ENTREP1: variants seen among roughly 807,000 people sequenced by gnomAD.
ENTREP1 encodes the protein endosomal transmembrane epsin interactor 1, also known as Friedreich ataxia region gene X123.
At chr9:69,387,895 C>G in the ENTREP1 span, 1 of 1,404,294 alleles carries the variant, frequency 7.1e-7, no homozygotes, top group Non-Finnish European at 9.5e-7. Flanking sequence ...GGATTCTCCT[C>G]TCCACCATCT....
the ENTREP1 span, among the ~76,000 whole-genome samples, chr9:69,340,214 G>A: frequency 7.2e-5 from 11 of 152,214 alleles, no homozygotes; most frequent in Non-Finnish European, 1.0e-4. Context: ...GGTGGTGGAG[G>A]TTGGGAGGGG....
the ENTREP1 span, among the ~76,000 whole-genome samples, chr9:69,391,386 G>A: frequency 6.6e-6 from 1 of 152,182 alleles, no homozygotes; most frequent in African/African-American, 2.4e-5. Context: ...GTTAAGTGTG[G>A]TTTACGGGTC....
chr9:69,389,981 G>A, the ENTREP1 span, among the ~76,000 whole-genome samples: 1 of 152,222 alleles, frequency 6.6e-6, no homozygotes, highest in Non-Finnish European at 1.5e-5. Flanking sequence ...GTAGAAGGAG[G>A]TAAGAACACC....
the ENTREP1 span, among the ~76,000 whole-genome samples, chr9:69,358,097 C>G: frequency 6.6e-6 from 1 of 152,164 alleles, no homozygotes; most frequent in Non-Finnish European, 1.5e-5. Context: ...CACAATTGTT[C>G]TTGTTTCAGT....
At chr9:69,376,395 C>T in the ENTREP1 span, among the ~76,000 whole-genome samples, 2 of 152,116 alleles carry the variant, frequency 1.3e-5, no homozygotes, top group African/African-American at 4.8e-5. Context: ...TAAGCAACAA[C>T]TATAATAAGC....
chr9:69,350,636 C>T, the ENTREP1 span, among the ~76,000 whole-genome samples: 1 of 152,150 alleles, frequency 6.6e-6, no homozygotes, highest in African/African-American at 2.4e-5. Flanking sequence ...AGAACATTCT[C>T]AAGTAATAAT....
the ENTREP1 span, among the ~76,000 whole-genome samples, chr9:69,339,050 T>G: frequency 9.9e-5 from 15 of 152,118 alleles, no homozygotes; most frequent in African/African-American, 3.6e-4. Flanking sequence ...GAGAGGGTCT[T>G]TCTCTGTTGC....
the ENTREP1 span, among the ~76,000 whole-genome samples, chr9:69,335,116 A>G: frequency 7.9e-5 from 12 of 152,164 alleles, no homozygotes; most frequent in Admixed American, 1.3e-4. Flanking sequence ...TCATTTTGCA[A>G]CATGAGCTCC....
At chr9:69,377,843 TGAAAAA>T in the ENTREP1 span, 14 of 1,371,958 alleles carry the variant, frequency 1.0e-5, no homozygotes, top group African/African-American at 7.3e-5. Context: ...CACTTTTCTT[TGAAAAA>T]GAAAAAGAAA....
the ENTREP1 span, among the ~76,000 whole-genome samples, chr9:69,333,675 C>T: frequency 6.6e-6 from 1 of 152,086 alleles, no homozygotes; most frequent in Non-Finnish European, 1.5e-5. Flanking sequence ...TAATGGAGAC[C>T]AGTAGCATTA....
chr9:69,351,664 G>A, the ENTREP1 span, among the ~76,000 whole-genome samples: 1 of 152,008 alleles, frequency 6.6e-6, no homozygotes, highest in Non-Finnish European at 1.5e-5. Flanking sequence ...TCATCCATCC[G>A]CCTCGGCCGC....
chr9:69,338,869 G>A, the ENTREP1 span, among the ~76,000 whole-genome samples: 1 of 152,110 alleles, frequency 6.6e-6, no homozygotes, highest in Non-Finnish European at 1.5e-5. Context: ...GTACTTAGAA[G>A]GTCGCATAGA....
At chr9:69,325,511 G>A in the ENTREP1 span, 1 of 977,992 alleles carries the variant, frequency 1.0e-6, no homozygotes, top group Non-Finnish European at 1.2e-6. Flanking sequence ...CGGGGTGCTG[G>A]CCGCGCCGCC....
chr9:69,359,959 C>T, the ENTREP1 span, among the ~76,000 whole-genome samples: 2 of 149,856 alleles, frequency 1.3e-5, no homozygotes, highest in African/African-American at 4.9e-5. Context: ...TATAGACATG[C>T]TCTTATTTTG....
the ENTREP1 span, among the ~76,000 whole-genome samples, chr9:69,340,609 G>GTGCATGTGTGTGTGCA: frequency 6.9e-6 from 1 of 145,538 alleles, no homozygotes; most frequent in African/African-American, 2.6e-5. Context: ...ATGTGTGTGT[G>GTGCATGTGTGTGTGCA]TGCATGTGTG....
At chr9:69,387,785 C>T in the ENTREP1 span, 1 of 727,074 alleles carries the variant, frequency 1.4e-6, no homozygotes. Flanking sequence ...CTCCTTGGAA[C>T]ATCCTTTCAT....
chr9:69,336,288 A>G, the ENTREP1 span: 1 of 1,519,840 alleles, frequency 6.6e-7, no homozygotes, highest in Non-Finnish European at 9.1e-7. Flanking sequence ...TGATCTTATA[A>G]ATTGCTACCC....
At chr9:69,371,518 T>C in the ENTREP1 span, 5 of 1,613,578 alleles carry the variant, frequency 3.1e-6, no homozygotes, top group Non-Finnish European at 2.5e-6. Context: ...TTTGTGCTGC[T>C]CTCTGTGGTT....
At chr9:69,365,121 G>C in the ENTREP1 span, among the ~76,000 whole-genome samples, 1 of 152,182 alleles carries the variant, frequency 6.6e-6, no homozygotes, top group African/African-American at 2.4e-5. Flanking sequence ...TCCTGTTCCA[G>C]ATTGCAAGTG....
Sources: gnomAD v4.1 joint callset for allele counts (sites outside exome capture counted in the v4.1 genomes callset) on GRCh38, gnomAD v4.1.1 for gene constraint, MANE v1.5 for transcripts, NCBI Gene and HGNC (gene_info 2026-07-23, HGNC 2026-07-21) for gene names.